Variants in ZDBF2 observed in about 807,000 individuals in gnomAD.
The protein encoded by ZDBF2 is DBF4-type zinc finger-containing protein 2.
A neutral mutation model predicts 9.4 loss-of-function variants in ZDBF2; 6 were observed. The ratio of observed to expected loss-of-function variants is 0.64; its 90% CI spans 0.35 to 1.27. The LOEUF (loss-of-function observed/expected upper bound fraction) is 1.27, where lower values mean the gene tolerates loss of function less well. Among genes scored for constraint, ZDBF2 ranks in the 50% most tolerant of loss-of-function variants. The pLI is 0.03. For synonymous variants in ZDBF2, 905 were observed against 946.3 expected, an observed-to-expected ratio of 0.96 and a Z score of 0.80; for missense variants, 2,697 against 2,766.8, an observed-to-expected ratio of 0.97 and a Z score of 0.57.
At chr2:206,297,223 T>C (rs757674022) in intron 3 of ZDBF2, 23 bp from the exon 4 acceptor site, 8 of 1,049,352 alleles carry the variant, frequency 7.6e-6, no homozygotes, top group African/African-American at 3.1e-5. Flanking sequence ...TTTAAAAATA[T>C]TCCATTTCTT....
chr2:206,290,650 T>C (rs1179107093), intron 3 of ZDBF2, among the ~76,000 whole-genome samples: 1 of 152,222 alleles, frequency 6.6e-6, no homozygotes, highest in African/African-American at 2.4e-5. Context: ...TTGGATTGTT[T>C]ATTGCAAGTG....
rs1318284660 is a variant in ZDBF2, at chr2:206,313,249, C to T, written c.*1656C>T. 6.6e-6 allele frequency: 1 copy of T among 152,096 alleles called. No homozygotes were observed. The highest frequency in any genetic ancestry group is 6.5e-5 in the Admixed American group (1 of 15,268). 9.4% of individuals were successfully genotyped at this position (152,096 alleles called of 1,614,324 possible). ...TTTTATTTCAGGGGCCATTATTTAA[C>T]CTGTGTGTATGCTATGATGGAGTTC... On this transcript the variant is annotated 3_prime_UTR_variant, in exon 5 of 5. Transcript: ENST00000374423.
intron 3 of ZDBF2, among the ~76,000 whole-genome samples, chr2:206,292,687 A>G (rs1461773719): frequency 6.6e-6 from 1 of 152,112 alleles, no homozygotes; most frequent in Non-Finnish European, 1.5e-5. Flanking sequence ...AGGTTGTTAC[A>G]CTAATGTAAA....
intron 3 of ZDBF2, among the ~76,000 whole-genome samples, chr2:206,292,786 G>A (rs1691963160): frequency 6.6e-6 from 1 of 151,924 alleles, no homozygotes; most frequent in Non-Finnish European, 1.5e-5. Flanking sequence ...AAAATCTAGG[G>A]AATAAACATA....
Position 206,305,064 on chromosome 2 carries a change from G to T in ZDBF2, c.536G>T (p.Arg179Leu). The change falls in exon 5 of 5, where the codon CGC becomes CTC. Residue 179 changes from arginine (R) to leucine (L), a missense_variant. By Grantham distance (102) the Arg-to-Leu change is moderately radical. This residue lies in a region of ZDBF2 where 910 missense variants were observed against 973.6 expected (regional missense o/e 0.93). Coordinates refer to ENST00000374423, the MANE Select transcript of ZDBF2 (RefSeq NM_020923.3). ...ACAAATAATAGAAGCAACTTGGTACGCCCCCCAGTGATTTGTAATGCTCCT... is the reference window on the plus strand; with the variant it reads ...ACAAATAATAGAAGCAACTTGGTACTCCCCCCAGTGATTTGTAATGCTCCT... Reference protein sequence around the residue: ...QATNNRSNLVRPPVICNAPAS... With the variant: ...QATNNRSNLVLPPVICNAPAS... 1.2e-6 allele frequency: 2 copies of T among 1,613,710 alleles called. No homozygotes were observed. The highest frequency in any genetic ancestry group is 1.1e-5 in the South Asian group (1 of 91,064).
chr2:206,291,330 C>T (rs992973241), intron 3 of ZDBF2, among the ~76,000 whole-genome samples: 1 of 152,108 alleles, frequency 6.6e-6, no homozygotes, highest in African/African-American at 2.4e-5. Context: ...ATAGAGTTTA[C>T]GCTCCTATGA....
intron 1 of ZDBF2, among the ~76,000 whole-genome samples, chr2:206,276,738 C>T (rs953958039): frequency 6.6e-5 from 10 of 152,172 alleles, no homozygotes; most frequent in African/African-American, 2.4e-4. Flanking sequence ...TGGCAGCTAC[C>T]TTATAAAGCT....
At chr2:206,290,748 G>A (rs1005398429) in intron 3 of ZDBF2, among the ~76,000 whole-genome samples, 1 of 151,954 alleles carries the variant, frequency 6.6e-6, no homozygotes, top group African/African-American at 2.4e-5. Context: ...AATTTTTTTT[G>A]TAGATTCCTT....
intron 2 of ZDBF2, among the ~76,000 whole-genome samples, chr2:206,281,065 C>T (rs981054290): frequency 2.6e-5 from 4 of 152,112 alleles, no homozygotes; most frequent in Admixed American, 6.5e-5. Context: ...ATCCTAGGCT[C>T]ACCCTAGCTC....
chr2:206,282,435 AT>A (rs1691371246), intron 3 of ZDBF2, among the ~76,000 whole-genome samples: 1 of 152,154 alleles, frequency 6.6e-6, no homozygotes, highest in Admixed American at 6.5e-5. Flanking sequence ...TCAATTCTGT[AT>A]TTTAGATTCA....
Position 206,307,397 on chromosome 2 carries a change from A to G in ZDBF2, c.2869A>G (p.Ser957Gly). 1 of 1,612,958 alleles carries G rather than the reference A, an allele frequency of 6.2e-7. No homozygotes were observed. Among genetic ancestry groups the G allele is most frequent in the Non-Finnish European group, 8.5e-7 (1 of 1,179,626 alleles). ...AGAAAATAAGAGTGTTTTTGAAACAAGTTTGGATTCTGATGTCCCTCTTCA... is the reference window on the plus strand; with the variant it reads ...AGAAAATAAGAGTGTTTTTGAAACAGGTTTGGATTCTGATGTCCCTCTTCA... ...YLENKSVFET[S>G]LDSDVPLQAA... The change falls in exon 5 of 5, where the codon AGT (serine) becomes GGT (glycine). Residue 957 changes from serine (S) to glycine (G), a missense_variant. Ser to Gly is a moderately conservative substitution (Grantham distance 56). Around this residue, in one of 3 missense-constraint regions of ZDBF2, gnomAD observed 1,783 missense variants for 1,776.5 expected, o/e 1.00. Coordinates refer to ENST00000374423, the MANE Select transcript of ZDBF2 (RefSeq NM_020923.3).
Position 206,308,533 on chromosome 2 carries a change from C to T in ZDBF2, c.4005C>T (p.Ile1335=). Residue 1335 remains isoleucine, a synonymous_variant, in exon 5 of 5, where the codon ATC becomes ATT. Coordinates refer to ENST00000374423, the MANE Select transcript of ZDBF2 (RefSeq NM_020923.3). The stretch of plus-strand genomic sequence containing the variant: ...CTGAAATAATTTATGTTTCAAATAT[C>T]CCTCTTCAGTCAGTGATAAAACAAC... The part of the protein sequence containing the change: ...SDSEIIYVSN[I]PLQSVIKQPH... The T allele has an allele frequency of 6.2e-7, 1 of 1,613,372 alleles. No homozygotes were observed. The highest frequency in any genetic ancestry group is 8.5e-7 in the Non-Finnish European group (1 of 1,179,724).
At chr2:206,298,277 AGCTCCC>A (rs1165383371) in intron 4 of ZDBF2, among the ~76,000 whole-genome samples, 1 of 152,250 alleles carries the variant, frequency 6.6e-6, no homozygotes, top group Non-Finnish European at 1.5e-5. Context: ...ATATGTTTGT[AGCTCCC>A]GCTGTACAAG....
At chr2:206,279,770 A>G (rs1051608667) in intron 2 of ZDBF2, among the ~76,000 whole-genome samples, 178 bp downstream of exon 2, 1 of 152,188 alleles carries the variant, frequency 6.6e-6, no homozygotes, top group African/African-American at 2.4e-5. Flanking sequence ...GAGTCAACTT[A>G]CAGCAGAATC....
At chr2:206,299,548 C>T (rs541813597) in intron 4 of ZDBF2, among the ~76,000 whole-genome samples, 51 of 151,998 alleles carry the variant, frequency 3.4e-4, no homozygotes, top group African/African-American at 1.2e-3. Flanking sequence ...GGCACACACC[C>T]GTAGTCCCAG....
intron 3 of ZDBF2, among the ~76,000 whole-genome samples, chr2:206,295,839 C>T (rs1305601298): frequency 6.6e-6 from 1 of 152,028 alleles, no homozygotes; most frequent in East Asian, 1.9e-4. Flanking sequence ...CTTGCTACTC[C>T]ACTAAATAAT....
chr2:206,297,490 AT>A (rs1331111821), intron 4 of ZDBF2, 117 bp downstream of exon 4: 3 of 1,038,180 alleles, frequency 2.9e-6, no homozygotes, highest in African/African-American at 3.3e-5. Context: ...ATAAAGTAAA[AT>A]TTTAGTAACT....
chr2:206,308,774 A>C lies in ZDBF2; in HGVS notation c.4246A>C (p.Ile1416Leu). The change falls in exon 5 of 5, where the codon ATT becomes CTT. Residue 1416 changes from isoleucine to leucine, a missense_variant. Transcript: ENST00000374423. ...GDFDVSYASH[I>L]PVQFVTDQSS... The stretch of plus-strand genomic sequence containing the variant: ...TTTTGATGTAAGTTATGCTTCTCAT[A>C]TTCCTGTTCAGTTTGTGACTGATCA... 6.2e-7 allele frequency: 1 copy of C among 1,613,828 alleles called. No individual in the cohort carries two copies. Among genetic ancestry groups the C allele is most frequent in the Non-Finnish European group, 8.5e-7 (1 of 1,179,838 alleles).
Position 206,311,782 on chromosome 2 carries a change from T to C in ZDBF2, c.*189T>C, listed in dbSNP as rs919454123. ...GTTTAGAGTCCTTTCATTTTAAGATTCAGAAACAGCCTTTGTCCAACATTT... is the reference window on the plus strand; with the variant it reads ...GTTTAGAGTCCTTTCATTTTAAGATCCAGAAACAGCCTTTGTCCAACATTT... On this transcript the variant is annotated 3_prime_UTR_variant, in exon 5 of 5. Coordinates refer to ENST00000374423, the MANE Select transcript of ZDBF2 (RefSeq NM_020923.3). 1 of 503,090 alleles carries C rather than the reference T, an allele frequency of 2.0e-6. No homozygotes were observed. Among genetic ancestry groups the C allele is most frequent in the African/African-American group, 2.0e-5 (1 of 50,316 alleles). The allele number at this position is 503,090 out of a possible 1,614,324, so 31.2% of individuals were successfully genotyped here.
Sources: gnomAD v4.1 joint callset for allele counts (sites outside exome capture counted in the v4.1 genomes callset) on GRCh38, gnomAD v4.1.1 for gene constraint, gnomAD v4.1.1 regional missense constraint, MANE v1.5 for transcripts, NCBI Gene and HGNC (gene_info 2026-07-23, HGNC 2026-07-21) for gene names.